Variants in RFC3 observed in about 807,000 individuals in gnomAD.
RFC3 encodes the protein A1 38 kDa subunit.
Under a neutral mutation model 45.1 loss-of-function variants are expected in RFC3, and 41 were observed. The ratio of observed to expected loss-of-function variants is 0.91; its 90% CI spans 0.71 to 1.18. The LOEUF is 1.18. Among genes scored for constraint, RFC3 ranks in the 50% most tolerant of loss-of-function variants. The probability of loss-of-function intolerance (pLI) is 0.00; values close to 1 mark genes in which losing one functional copy is unlikely to be tolerated. For missense variants in RFC3, 423 were observed against 428.1 expected (o/e 0.99, Z 0.10); for synonymous variants, 149 against 144.0 (o/e 1.03, Z -0.25).
intron 8 of RFC3, among the ~76,000 whole-genome samples, chr13:33,856,736 A>G (rs2082311026): frequency 6.6e-6 from 1 of 152,150 alleles, no homozygotes; most frequent in African/African-American, 2.4e-5. Context: ...TAATTGACCT[A>G]TGCACAGGAG....
At chr13:33,941,215 C>T (rs1333889563) in intron 8 of RFC3, among the ~76,000 whole-genome samples, 6 of 152,050 alleles carry the variant, frequency 3.9e-5, no homozygotes, top group Admixed American at 6.6e-5. Flanking sequence ...AGCAGGACTC[C>T]GTCTCACTTT....
At chr13:33,951,039 C>CTTTTTTTTTTTTTTTTT (rs926664684) in intron 8 of RFC3, among the ~76,000 whole-genome samples, 1 of 60,816 alleles carries the variant, frequency 1.6e-5, no homozygotes, top group Non-Finnish European at 2.9e-5. Flanking sequence ...TCTGATGGCT[C>CTTTTTTTTTTTTTTTTT]TTTTTTTTTT....
chr13:33,959,331 T>C (rs2083041732), intron 8 of RFC3, among the ~76,000 whole-genome samples: 1 of 152,178 alleles, frequency 6.6e-6, no homozygotes, highest in South Asian at 2.1e-4. Flanking sequence ...CAAGACTCTT[T>C]GCAAATGGTT....
intron 8 of RFC3, among the ~76,000 whole-genome samples, chr13:33,928,100 C>G (rs906437228): frequency 6.6e-6 from 1 of 152,026 alleles, no homozygotes; most frequent in African/African-American, 2.4e-5. Context: ...ATAATTTGTT[C>G]AAATTTCCAC....
chr13:33,900,145 C>G (rs1388138903), intron 8 of RFC3, among the ~76,000 whole-genome samples: 1 of 151,876 alleles, frequency 6.6e-6, no homozygotes, highest in Non-Finnish European at 1.5e-5. Context: ...ATCAAAACGC[C>G]AATGACATTC....
chr13:33,841,738 T>C (rs1368346429), downstream of RFC3, among the ~76,000 whole-genome samples: 1 of 152,216 alleles, frequency 6.6e-6, no homozygotes, highest in Non-Finnish European at 1.5e-5. Flanking sequence ...TATCAGCTTG[T>C]TGTTTTTCAT....
intron 8 of RFC3, among the ~76,000 whole-genome samples, chr13:33,896,319 A>G (rs1235717902): frequency 6.6e-6 from 1 of 152,140 alleles, no homozygotes. Context: ...GTATAAGAAC[A>G]TCAGAGAACA....
downstream of RFC3, among the ~76,000 whole-genome samples, chr13:33,837,839 C>T (rs1468937680): frequency 6.6e-6 from 1 of 151,860 alleles, no homozygotes; most frequent in Non-Finnish European, 1.5e-5. Flanking sequence ...TTATAAATTT[C>T]ACTCTGAGTA....
At chr13:33,904,081 A>T (rs1230338926) in intron 8 of RFC3, among the ~76,000 whole-genome samples, 3 of 151,936 alleles carry the variant, frequency 2.0e-5, no homozygotes, top group Non-Finnish European at 2.9e-5. Context: ...TGCTATCTGA[A>T]TTTGAACATA....
intron 8 of RFC3, among the ~76,000 whole-genome samples, chr13:33,949,492 T>G (rs945777957): frequency 1.3e-5 from 2 of 152,184 alleles, no homozygotes; most frequent in African/African-American, 4.8e-5. Context: ...TAACAATAGT[T>G]TATGTATTGG....
chr13:33,879,626 T>G (rs2082469517), intron 8 of RFC3, among the ~76,000 whole-genome samples: 1 of 152,172 alleles, frequency 6.6e-6, no homozygotes, highest in Admixed American at 6.5e-5. Flanking sequence ...AAAAAAGAAA[T>G]AAATAAAAAA....
At chr13:33,969,910 G>C (rs60647673), downstream of RFC3, among the ~76,000 whole-genome samples, 6 of 130,400 alleles carry the variant, frequency 4.6e-5, no homozygotes, top group African/African-American at 1.7e-4. Context: ...TGTCAGATTT[G>C]TTTTTTTTTT....
At chr13:33,833,625 ATAGT>A (rs1195467277) in intron 7 of RFC3, among the ~76,000 whole-genome samples, 1 of 152,218 alleles carries the variant, frequency 6.6e-6, no homozygotes, top group Admixed American at 6.5e-5. Context: ...TACACACAGT[ATAGT>A]TACTTCAATT....
intron 8 of RFC3, among the ~76,000 whole-genome samples, chr13:33,962,085 GC>G (rs2083060741): frequency 6.6e-6 from 1 of 152,152 alleles, no homozygotes; most frequent in Non-Finnish European, 1.5e-5. Flanking sequence ...TGATGGTGTG[GC>G]CAGTGCAGGC....
At chr13:33,852,425 A>G (rs1043245135) in intron 8 of RFC3, among the ~76,000 whole-genome samples, 1 of 152,132 alleles carries the variant, frequency 6.6e-6, no homozygotes, top group African/African-American at 2.4e-5. Context: ...TTCTGGCCTA[A>G]TTTCTATCAG....
At chr13:33,910,322 C>A (rs143078780) in intron 8 of RFC3, among the ~76,000 whole-genome samples, 1 of 152,168 alleles carries the variant, frequency 6.6e-6, no homozygotes, top group African/African-American at 2.4e-5. Flanking sequence ...TAGACATTAT[C>A]TTTTCTAAGC....
At chr13:33,862,570 A>G (rs2082347969) in intron 8 of RFC3, among the ~76,000 whole-genome samples, 1 of 152,208 alleles carries the variant, frequency 6.6e-6, no homozygotes, top group Admixed American at 6.5e-5. Flanking sequence ...TCATACACAC[A>G]CATGTCAAAA....
intron 8 of RFC3, among the ~76,000 whole-genome samples, chr13:33,864,075 G>A (rs2082358264): frequency 6.6e-6 from 1 of 152,160 alleles, no homozygotes; most frequent in African/African-American, 2.4e-5. Flanking sequence ...CACTCATGGT[G>A]GAAGGCGATG....
At chr13:33,876,958 T>C (rs1437424150) in intron 8 of RFC3, among the ~76,000 whole-genome samples, 1 of 152,262 alleles carries the variant, frequency 6.6e-6, no homozygotes, top group Non-Finnish European at 1.5e-5. Flanking sequence ...ATGCAGTGGA[T>C]GAAAAGCAGA....
Sources: gnomAD v4.1 joint callset for allele counts (sites outside exome capture counted in the v4.1 genomes callset) on GRCh38, gnomAD v4.1.1 for gene constraint, MANE v1.5 for transcripts, NCBI Gene and HGNC (gene_info 2026-07-23, HGNC 2026-07-21) for gene names.